The following CNTN3 variants were observed in gnomAD, a reference collection of about 807,000 sequenced individuals.
CNTN3 encodes contactin 3.
CNTN3 carries 60 observed loss-of-function variants against 119.1 expected under a neutral mutation model. The ratio of observed to expected loss-of-function variants is 0.50; its 90% CI spans 0.41 to 0.62. CNTN3 has a LOEUF of 0.62. CNTN3 is among the 20% of genes least tolerant of loss of function. The pLI is 0.00. For synonymous variants in CNTN3, 450 were observed against 438.7 expected (o/e 1.03, Z -0.32); for missense variants, 1,101 against 1,242.4 (o/e 0.89, Z 1.71).
chr3:74,552,375 A>C (rs2107162078), intron 1 of CNTN3, among the ~76,000 whole-genome samples: 1 of 152,234 alleles, frequency 6.6e-6, no homozygotes, highest in Non-Finnish European at 1.5e-5. Context: ...GAGACTGCTA[A>C]ATTGTCTTCC....
At chr3:74,534,547 T>C (rs1479816913) in intron 1 of CNTN3, among the ~76,000 whole-genome samples, 3 of 152,076 alleles carry the variant, frequency 2.0e-5, no homozygotes, top group African/African-American at 7.2e-5. Flanking sequence ...TTTAAGATGC[T>C]GTATGTAGAG....
At chr3:74,373,148 G>A (rs1409912779) in intron 5 of CNTN3, among the ~76,000 whole-genome samples, 1 of 152,182 alleles carries the variant, frequency 6.6e-6, no homozygotes, top group Non-Finnish European at 1.5e-5. Flanking sequence ...CGGGTTGTAT[G>A]AAACAAATGC....
rs373407087 is a variant in CNTN3, at chr3:74,279,840, T to G, written c.2704+5465A>C. On this transcript the variant is annotated intron_variant, in intron 20 of 22. Coordinates refer to ENST00000263665, the MANE Select transcript of CNTN3 (RefSeq NM_020872.3). The stretch of plus-strand genomic sequence containing the variant: ...CAATTGAACTCATGGACATAGAGAG[T>G]AGAAGGATGATTACTAGGGGCTGGG... 2.0e-5 allele frequency among the ~76,000 whole-genome samples: 3 copies of G among 150,174 alleles called. No individual in the cohort carries two copies. In the East Asian group the frequency reaches 5.9e-4, roughly 29 times the overall value.
At chr3:74,613,807 G>A (rs1314248188) in intron 1 of CNTN3, among the ~76,000 whole-genome samples, 1 of 152,172 alleles carries the variant, frequency 6.6e-6, no homozygotes, top group Non-Finnish European at 1.5e-5. Context: ...ACCAGGGTCC[G>A]AGCTCAGGAA....
chr3:74,414,748 A>G (rs889031163), intron 5 of CNTN3, among the ~76,000 whole-genome samples: 18 of 152,314 alleles, frequency 1.2e-4, no homozygotes, highest in Middle Eastern at 3.4e-3. Flanking sequence ...TTGTAACAGC[A>G]GCATGTGTAA....
chr3:74,588,280 C>T (rs550497485), intron 1 of CNTN3, among the ~76,000 whole-genome samples: 15 of 152,130 alleles, frequency 9.9e-5, no homozygotes, highest in Admixed American at 7.2e-4. Flanking sequence ...AATCAATGTA[C>T]AAAAATCACA....
rs1411100660 is a variant in CNTN3, at chr3:74,454,083, G to A, written c.359-29143C>T. 5.0e-3 allele frequency among the ~76,000 whole-genome samples: 631 copies of A among 127,286 alleles called. 3 individuals are homozygous for A. Among genetic ancestry groups the A allele is most frequent in the African/African-American group, 8.7e-3 (291 of 33,400 alleles). The allele number at this position is 127,286 out of a possible 152,430, so 83.5% of individuals were successfully genotyped here. A position where few individuals can be genotyped will look rare whatever the true frequency, so the allele number is the denominator to read the frequency against. On this transcript the variant is annotated intron_variant, in intron 4 of 22. Transcript: ENST00000263665. ...GGTATCCTTGTTGACTTTCTGTCTC[G>A]TTGATCTGTCTAATGTTGACAGTGG...
intron 11 of CNTN3, among the ~76,000 whole-genome samples, chr3:74,336,861 T>C (rs1703407167): frequency 6.6e-6 from 1 of 151,816 alleles, no homozygotes; most frequent in African/African-American, 2.4e-5. Context: ...CAGCATTGGA[T>C]GACAAAAGAT....
Position 74,369,261 on chromosome 3 carries a change from CATCTTCCTGTT to C in CNTN3, c.863_873del (p.Gln288ArgfsTer5), listed in dbSNP as rs1559567312. The C allele has an allele frequency of 1.2e-6, 2 of 1,611,614 alleles. No individual in the cohort carries two copies. The highest frequency in any genetic ancestry group is 1.7e-6 in the Non-Finnish European group (2 of 1,178,830). Reference sequence around the variant, plus strand: ...TCAGCAATGCATTCATAGGAACCTGCATCTTCCTGTTGGAAGTTGGGGATTTCAAGCACACC... The same window carrying C: ...TCAGCAATGCATTCATAGGAACCTGCGGAAGTTGGGGATTTCAAGCACACC... On this transcript the variant is annotated frameshift_variant, in exon 8 of 23. Coordinates refer to ENST00000263665, the MANE Select transcript of CNTN3 (RefSeq NM_020872.3). LOFTEE classifies it high-confidence loss of function.
chr3:74,285,251 C>A, intron 20 of CNTN3, 54 bp downstream of exon 20: 2 of 1,507,344 alleles, frequency 1.3e-6, no homozygotes, highest in Non-Finnish European at 1.8e-6. Context: ...GAAGGCTATC[C>A]TTTTTAATGC....
chr3:74,277,100 G>C (rs760388659), intron 20 of CNTN3, among the ~76,000 whole-genome samples: 2 of 152,046 alleles, frequency 1.3e-5, no homozygotes, highest in Non-Finnish European at 2.9e-5. Context: ...TAGATACCCT[G>C]AACAGACCAA....
chr3:74,266,398 G>A, intron 22 of CNTN3, 83 bp downstream of exon 22: 1 of 1,343,054 alleles, frequency 7.4e-7, no homozygotes, highest in Non-Finnish European at 1.0e-6. Flanking sequence ...AAGAAAGAAT[G>A]GACAGAGGGA....
At chr3:74,553,178 A>G (rs946301792) in intron 1 of CNTN3, among the ~76,000 whole-genome samples, 5 of 149,980 alleles carry the variant, frequency 3.3e-5, no homozygotes, top group African/African-American at 1.2e-4. Flanking sequence ...GAGTGAGAGC[A>G]TGCAGTGTTT....
intron 5 of CNTN3, among the ~76,000 whole-genome samples, chr3:74,379,665 T>C (rs1704567589): frequency 6.6e-6 from 1 of 152,154 alleles, no homozygotes. Flanking sequence ...CTATCTCCAG[T>C]TGAAGTTCTT....
At chr3:74,470,238 A>ATAACTCTC (rs1390359073) in intron 4 of CNTN3, among the ~76,000 whole-genome samples, 1 of 152,152 alleles carries the variant, frequency 6.6e-6, no homozygotes, top group Non-Finnish European at 1.5e-5. Flanking sequence ...GGGTATGATA[A>ATAACTCTC]TAACTCTCTA....
chr3:74,289,831 G>C (rs1188274076), intron 19 of CNTN3, among the ~76,000 whole-genome samples: 1 of 152,142 alleles, frequency 6.6e-6, no homozygotes, highest in Non-Finnish European at 1.5e-5. Context: ...TACTACTCCA[G>C]GCACTTGGGA....
Position 74,567,555 on chromosome 3 carries a change from G to A in CNTN3, c.-80-46363C>T, listed in dbSNP as rs538550685. Reference sequence around the variant, plus strand: ...TGCTGTGTGATACATACCACTTTAAGCACTAGAGTGACTACATAACCTAAA... The same window carrying A: ...TGCTGTGTGATACATACCACTTTAAACACTAGAGTGACTACATAACCTAAA... On this transcript the variant is annotated intron_variant, in intron 1 of 22. Transcript: ENST00000263665. Among the ~76,000 whole-genome samples the A allele has an allele frequency of 8.5e-5, 13 of 152,092 alleles. No homozygotes were observed. In the South Asian group the frequency reaches 1.9e-3, roughly 22 times the overall value.
At chr3:74,267,551 T>C in intron 20 of CNTN3, 173 bp from the exon 21 acceptor site, 1 of 506,756 alleles carries the variant, frequency 2.0e-6, no homozygotes, top group Non-Finnish European at 3.5e-6. Flanking sequence ...AAATTTCCTT[T>C]TTTTAGAAAG....
intron 1 of CNTN3, among the ~76,000 whole-genome samples, chr3:74,552,135 T>A (rs537131275): frequency 6.6e-6 from 1 of 152,318 alleles, no homozygotes; most frequent in African/African-American, 2.4e-5. Flanking sequence ...GTGGCTCATT[T>A]CTTTTGGTAC....
Sources: gnomAD v4.1 joint callset for allele counts (sites outside exome capture counted in the v4.1 genomes callset) on GRCh38, gnomAD v4.1.1 for gene constraint, MANE v1.5 for transcripts, NCBI Gene and HGNC (gene_info 2026-07-23, HGNC 2026-07-21) for gene names.